Variants in TMX3 observed in about 807,000 individuals in gnomAD.
TMX3 encodes protein disulfide-isomerase TMX3.
In TMX3, 40 loss-of-function variants were observed where a neutral mutation model predicts 64.4. The ratio of observed to expected loss-of-function variants is 0.62; its 90% confidence interval spans 0.48 to 0.81. The LOEUF is 0.81. Ranked by LOEUF, TMX3 falls within the 30% of genes least tolerant of loss-of-function variation. The pLI is 0.00. For missense variants in TMX3, 497 were observed against 534.5 expected, an observed-to-expected ratio of 0.93 and a Z score of 0.69; for synonymous variants, 189 against 175.7, an observed-to-expected ratio of 1.08 and a Z score of -0.60.
At chr18:68,710,500 C>T (rs1474764559) in intron 3 of TMX3, among the ~76,000 whole-genome samples, 3 of 152,050 alleles carry the variant, frequency 2.0e-5, no homozygotes, top group African/African-American at 7.2e-5. Flanking sequence ...ACAACATACA[C>T]ACCTAATTGT....
intron 15 of TMX3, among the ~76,000 whole-genome samples, chr18:68,677,966 G>A (rs536594424): frequency 2.6e-5 from 4 of 152,226 alleles, no homozygotes; most frequent in East Asian, 1.9e-4. Flanking sequence ...AAAAACCAAC[G>A]AGGAAAATAC....
At chr18:68,696,044 C>G (rs1434032415) in intron 8 of TMX3, among the ~76,000 whole-genome samples, 1 of 152,192 alleles carries the variant, frequency 6.6e-6, no homozygotes, top group Non-Finnish European at 1.5e-5. Context: ...ACGGCTCCTT[C>G]ATATCACGTA....
chr18:68,707,502 A>G (rs1195285008), intron 4 of TMX3, among the ~76,000 whole-genome samples: 1 of 152,232 alleles, frequency 6.6e-6, no homozygotes, highest in East Asian at 1.9e-4. Flanking sequence ...CTAATGAATT[A>G]GATACAATAT....
At chr18:68,695,388 G>A (rs1441996478) in intron 8 of TMX3, among the ~76,000 whole-genome samples, 1 of 152,126 alleles carries the variant, frequency 6.6e-6, no homozygotes, top group Non-Finnish European at 1.5e-5. Flanking sequence ...TGTCTGGGAA[G>A]GTTCTTTTAC....
intron 8 of TMX3, among the ~76,000 whole-genome samples, chr18:68,694,631 C>T (rs938589919): frequency 3.3e-5 from 5 of 150,820 alleles, no homozygotes; most frequent in Non-Finnish European, 5.9e-5. Flanking sequence ...CAAGCAGAGG[C>T]GCCAGTGGCC....
chr18:68,691,239 A>G lies in TMX3; in HGVS notation c.637+56T>C, dbSNP rs1044286934. 9.6e-6 allele frequency: 12 copies of G among 1,251,966 alleles called. No individual in the cohort carries two copies. In the African/African-American group the frequency reaches 1.0e-4, roughly 11 times the overall value. The allele number at this position is 1,251,966 out of a possible 1,614,324, so 77.6% of individuals were successfully genotyped here. A position where few individuals can be genotyped will look rare whatever the true frequency, so the allele number is the denominator to read the frequency against. On this transcript the variant is annotated intron_variant, in intron 9 of 15. Coordinates refer to ENST00000299608, the MANE Select transcript of TMX3 (RefSeq NM_019022.5). ...TACATAATCTTTACACCTAAGTTGT[A>G]TAACAGACATTTTAATTTTAAAATG...
chr18:68,677,170 C>T lies in TMX3; in HGVS notation c.1128G>A (p.Leu376=), dbSNP rs779875765. ...GCAGGCCAAAGAGAAAGCAGCCCAT[C>T]AGTGGTGAGCTCTTGAATATAGACT... ...TIVSIFKSSP[L]MGCFLFGLPL... Residue 376 remains leucine (L), a synonymous_variant, in exon 16 of 16, where the codon CTG becomes CTA. Coordinates refer to ENST00000299608, the MANE Select transcript of TMX3 (RefSeq NM_019022.5). The T allele has an allele frequency of 4.3e-6, 7 of 1,613,618 alleles. No homozygotes were observed. The highest frequency in any genetic ancestry group is 5.9e-6 in the Non-Finnish European group (7 of 1,179,654).
At chr18:68,690,235 T>A (rs755047297) in intron 9 of TMX3, among the ~76,000 whole-genome samples, 1 of 152,208 alleles carries the variant, frequency 6.6e-6, no homozygotes, top group Admixed American at 6.5e-5. Context: ...TCTGAATGAA[T>A]GGGTGTTCCC....
At position 68,698,147 on chromosome 18, in the gene TMX3, G is replaced by T. The variant is rs563711670; in HGVS notation, c.393-116C>A. On this transcript the variant is annotated intron_variant, in intron 6 of 15. Transcript: ENST00000299608. ...ATTAAGTTTCAATAATATATCAACT[G>T]CATTTTAAGTATATCACAAAATCCA... The T allele has an allele frequency of 1.1e-5, 7 of 665,742 alleles. No individual in the cohort carries two copies. The South Asian group carries it at 1.2e-4, about 11-fold the overall frequency. The allele number at this position is 665,742 out of a possible 1,614,324, so 41.2% of individuals were successfully genotyped here.
At chr18:68,707,657 G>A (rs1281870331) in intron 4 of TMX3, among the ~76,000 whole-genome samples, 2 of 152,204 alleles carry the variant, frequency 1.3e-5, no homozygotes, top group East Asian at 3.9e-4. Context: ...ATGACTCGAT[G>A]ACTCCACTGA....
At position 68,673,712 on chromosome 18, in the gene TMX3, T is replaced by G. The variant is rs1912705590; in HGVS notation, c.*3221A>C. The G allele has an allele frequency of 6.6e-6, 1 of 152,166 alleles. No homozygotes were observed. Among genetic ancestry groups the G allele is most frequent in the Admixed American group, 6.6e-5 (1 of 15,260 alleles). 9.4% of individuals were successfully genotyped at this position (152,166 alleles called of 1,614,324 possible). A position where few individuals can be genotyped will look rare whatever the true frequency, so the allele number is the denominator to read the frequency against. On this transcript the variant is annotated 3_prime_UTR_variant, in exon 16 of 16. Coordinates refer to ENST00000299608, the MANE Select transcript of TMX3 (RefSeq NM_019022.5). ...ATTGCAGGTTTTCAATTACTTTATT[T>G]TAGAAAAACAAAGGTTTACAATTTG...
At chr18:68,707,574 A>C (rs1167780807) in intron 4 of TMX3, among the ~76,000 whole-genome samples, 1 of 152,174 alleles carries the variant, frequency 6.6e-6, no homozygotes, top group Admixed American at 6.5e-5. Flanking sequence ...TTTACCACTA[A>C]GACTTTTACT....
intron 5 of TMX3, 173 bp from the exon 6 acceptor site, chr18:68,700,658 A>G (rs535317936): frequency 2.0e-5 from 17 of 862,870 alleles, no homozygotes; most frequent in Non-Finnish European, 2.4e-5. Flanking sequence ...CCAGAGGACC[A>G]GTAACACAAA....
intron 8 of TMX3, among the ~76,000 whole-genome samples, chr18:68,693,435 C>A (rs1165173306): frequency 2.6e-5 from 4 of 151,978 alleles, no homozygotes; most frequent in Non-Finnish European, 5.9e-5. Context: ...GCCACCCCCA[C>A]CCCCCAACCC....
chr18:68,677,220 T>A (rs759639913), intron 15 of TMX3, 27 bp from the exon 16 acceptor site: 1 of 1,599,142 alleles, frequency 6.3e-7, no homozygotes. Flanking sequence ...AAAACTCAGT[T>A]CCCTTCACAT....
At chr18:68,699,210 A>G (rs2145090719) in intron 6 of TMX3, among the ~76,000 whole-genome samples, 1 of 152,272 alleles carries the variant, frequency 6.6e-6, no homozygotes, top group Non-Finnish European at 1.5e-5. Flanking sequence ...CTTAGTAACT[A>G]AATGTAAGTG....
intron 15 of TMX3, among the ~76,000 whole-genome samples, chr18:68,678,258 A>G (rs909363269): frequency 2.6e-5 from 4 of 152,168 alleles, no homozygotes; most frequent in Middle Eastern, 3.2e-3. Context: ...AATGTTAGCT[A>G]TATTTTTATG....
Position 68,691,227 on chromosome 18 carries a change from C to T in TMX3, c.637+68G>A, listed in dbSNP as rs929293710. The T allele has an allele frequency of 5.5e-6, 6 of 1,097,564 alleles. No individual in the cohort carries two copies. The African/African-American group carries it at 6.3e-5, about 12-fold the overall frequency. The allele number at this position is 1,097,564 out of a possible 1,614,324, so 68.0% of individuals were successfully genotyped here. A position where few individuals can be genotyped will look rare whatever the true frequency, so the allele number is the denominator to read the frequency against. On this transcript the variant is annotated intron_variant, in intron 9 of 15. Coordinates refer to ENST00000299608, the MANE Select transcript of TMX3 (RefSeq NM_019022.5). ...AGTAGAAGCATTTACATAATCTTTACACCTAAGTTGTATAACAGACATTTT... is the reference window on the plus strand; with the variant it reads ...AGTAGAAGCATTTACATAATCTTTATACCTAAGTTGTATAACAGACATTTT...
chr18:68,689,643 A>G lies in TMX3; in HGVS notation c.637+1652T>C, dbSNP rs1259446834. 6.6e-5 allele frequency: 10 copies of G among 152,210 alleles called. No individual in the cohort carries two copies. In the East Asian group the frequency reaches 1.9e-3, roughly 29 times the overall value. 9.4% of individuals were successfully genotyped at this position (152,210 alleles called of 1,614,324 possible). ...TTATTATATGAGGAGTACTGCAAGC[A>G]AAGAGCAGGTGAATAGACTAGGTGT... On this transcript the variant is annotated intron_variant, in intron 9 of 15. Coordinates refer to ENST00000299608, the MANE Select transcript of TMX3 (RefSeq NM_019022.5).
Sources: gnomAD v4.1 joint callset for allele counts (sites outside exome capture counted in the v4.1 genomes callset) on GRCh38, gnomAD v4.1.1 for gene constraint, MANE v1.5 for transcripts, NCBI Gene and HGNC (gene_info 2026-07-23, HGNC 2026-07-21) for gene names.